Variants in GRIP1 observed in about 807,000 individuals in gnomAD.
GRIP1 encodes the protein glutamate receptor-interacting protein 1.
A neutral mutation model predicts 129.9 loss-of-function variants in GRIP1; 45 were observed. That is an observed-to-expected ratio of 0.35 (90% CI 0.27 to 0.44). The LOEUF (loss-of-function observed/expected upper bound fraction) is 0.44. Ranked by LOEUF, GRIP1 falls within the 20% of genes least tolerant of loss-of-function variation. The pLI is 1.00. For synonymous variants in GRIP1, 530 were observed against 520.8 expected, an observed-to-expected ratio of 1.02 and a Z score of -0.24; for missense variants, 1,196 against 1,396.8, an observed-to-expected ratio of 0.86 and a Z score of 2.29.
At chr12:66,527,756 G>C (rs998688976) in intron 5 of GRIP1, among the ~76,000 whole-genome samples, 2 of 152,168 alleles carry the variant, frequency 1.3e-5, no homozygotes, top group South Asian at 4.2e-4. Context: ...GCTAAGCATT[G>C]AGTACACATG....
chr12:66,782,647 T>G (rs550581762), intron 1 of GRIP1, among the ~76,000 whole-genome samples: 9 of 152,198 alleles, frequency 5.9e-5, no homozygotes, highest in Non-Finnish European at 1.3e-4. Context: ...TTCAGAGAAC[T>G]GATATGATAG....
intron 1 of GRIP1, among the ~76,000 whole-genome samples, chr12:66,697,083 T>G (rs1250568600): frequency 6.6e-6 from 1 of 151,880 alleles, no homozygotes; most frequent in African/African-American, 2.4e-5. Flanking sequence ...AGCAGGTGCT[T>G]TATAAACATT....
Position 67,055,361 on chromosome 12 carries a change from G to A in GRIP1, c.58+13689C>T, listed in dbSNP as rs369755151. On this transcript the variant is annotated intron_variant, in intron 1 of 1. Coordinates refer to the GRIP1 transcript ENST00000643019. ...GGTTAACCTTGGGTAAGAGTACACC[G>A]TTAGGCTTCACAGCAGTGAAGACAG... Among the ~76,000 whole-genome samples, 89 of 145,886 alleles carry A rather than the reference G, an allele frequency of 6.1e-4. 1 individual carries two copies. Among genetic ancestry groups the A allele is most frequent in the South Asian group, 4.6e-3 (22 of 4,820 alleles).
intron 1 of GRIP1, among the ~76,000 whole-genome samples, chr12:66,972,152 A>C (rs2042084676): frequency 6.6e-6 from 1 of 152,186 alleles, no homozygotes; most frequent in Non-Finnish European, 1.5e-5. Flanking sequence ...CTGTGTCTTC[A>C]TCTGCAGTAA....
intron 1 of GRIP1, 139 bp from the exon 2 acceptor site, chr12:66,597,066 C>T (rs922318100): frequency 1.1e-5 from 8 of 720,178 alleles, no homozygotes; most frequent in Non-Finnish European, 2.1e-5. Context: ...GGGTCCTATA[C>T]TTGGGTTAGC....
At chr12:66,431,008 C>T (rs1019703632) in intron 14 of GRIP1, among the ~76,000 whole-genome samples, 1 of 152,160 alleles carries the variant, frequency 6.6e-6, no homozygotes, top group African/African-American at 2.4e-5. Flanking sequence ...ATATAGTGCA[C>T]AACTCCAAGA....
chr12:66,349,645 T>C (rs998881777), intron 24 of GRIP1, among the ~76,000 whole-genome samples: 2 of 152,164 alleles, frequency 1.3e-5, no homozygotes, highest in Non-Finnish European at 2.9e-5. Flanking sequence ...CTGGCTGATC[T>C]CAAAGCCTGT....
chr12:66,975,795 G>A (rs2042142496), intron 1 of GRIP1, among the ~76,000 whole-genome samples: 1 of 152,166 alleles, frequency 6.6e-6, no homozygotes, highest in African/African-American at 2.4e-5. Context: ...ACAAGAAGTT[G>A]CAAATGTGTT....
Position 66,777,261 on chromosome 12 carries a change from A to G in GRIP1, c.-420+26792T>C, listed in dbSNP as rs566262437. Among the ~76,000 whole-genome samples the G allele has an allele frequency of 2.6e-5, 4 of 152,052 alleles. No individual in the cohort carries two copies. In the South Asian group the frequency reaches 8.4e-4, roughly 32 times the overall value. On this transcript the variant is annotated intron_variant, in intron 1 of 4. Coordinates refer to the GRIP1 transcript ENST00000538373. ...CCCTCTCTTGCCTCACTCCAGCCAC[A>G]CTGGCCTTCTGCTCCTCAAATGTGA...
chr12:66,649,147 G>C (rs2032598515), intron 1 of GRIP1, among the ~76,000 whole-genome samples: 1 of 152,182 alleles, frequency 6.6e-6, no homozygotes, highest in Admixed American at 6.5e-5. Context: ...TAAAATTGCA[G>C]ATTGTTCAGA....
At chr12:66,856,084 C>T (rs988693609) in intron 1 of GRIP1, among the ~76,000 whole-genome samples, 10 of 151,786 alleles carry the variant, frequency 6.6e-5, no homozygotes, top group African/African-American at 9.7e-5. Flanking sequence ...AAAAGTGAAA[C>T]CATCTTTGAC....
At chr12:66,505,113 C>T (rs1300265364) in intron 7 of GRIP1, among the ~76,000 whole-genome samples, 2 of 152,114 alleles carry the variant, frequency 1.3e-5, no homozygotes, top group Non-Finnish European at 2.9e-5. Context: ...TGTCATTTGG[C>T]ATCAGGGACC....
At chr12:66,463,238 T>C (rs1165175911) in intron 8 of GRIP1, 145 bp from the exon 9 acceptor site, 9 of 720,520 alleles carry the variant, frequency 1.2e-5, no homozygotes, top group Admixed American at 2.2e-5. Flanking sequence ...GGAAACACCA[T>C]CTGCCAAATT....
At chr12:66,627,207 C>T (rs1018741156) in intron 1 of GRIP1, among the ~76,000 whole-genome samples, 1 of 151,668 alleles carries the variant, frequency 6.6e-6, no homozygotes, top group African/African-American at 2.4e-5. Context: ...GATTCCGGTG[C>T]CTATCCTTAA....
At chr12:66,636,012 G>A (rs1446148251) in intron 1 of GRIP1, among the ~76,000 whole-genome samples, 1 of 152,132 alleles carries the variant, frequency 6.6e-6, no homozygotes, top group African/African-American at 2.4e-5. Context: ...CCCTACTGTC[G>A]ACAGATGGAT....
intron 1 of GRIP1, among the ~76,000 whole-genome samples, chr12:66,775,204 A>G (rs2136749517): frequency 6.6e-6 from 1 of 152,278 alleles, no homozygotes; most frequent in East Asian, 1.9e-4. Context: ...GAGGAGAGAG[A>G]ATAGGAAGAA....
intron 13 of GRIP1, among the ~76,000 whole-genome samples, chr12:66,436,232 G>A (rs930092160): frequency 1.8e-4 from 27 of 152,036 alleles, no homozygotes; most frequent in Admixed American, 1.4e-3. Context: ...TGTTAGCACA[G>A]TAAGATAACA....
intron 2 of GRIP1, among the ~76,000 whole-genome samples, chr12:66,594,655 G>C (rs1378805422): frequency 6.6e-6 from 1 of 152,002 alleles, no homozygotes; most frequent in African/African-American, 2.4e-5. Context: ...GTGGTCAGGA[G>C]ACCACTTCAG....
chr12:66,514,352 G>A (rs1324896980), intron 7 of GRIP1, among the ~76,000 whole-genome samples: 1 of 152,112 alleles, frequency 6.6e-6, no homozygotes, highest in East Asian at 1.9e-4. Flanking sequence ...TATGTAATCT[G>A]ATTTTATCTT....
Sources: allele counts gnomAD v4.1 joint callset (sites outside exome capture counted in the v4.1 genomes callset), GRCh38; gene constraint gnomAD v4.1.1; transcripts MANE v1.5; gene names NCBI Gene and HGNC (gene_info 2026-07-23, HGNC 2026-07-21).